The following PDE11A variants were observed in gnomAD, a reference collection of about 807,000 sequenced individuals.
The protein encoded by PDE11A is dual 3',5'-cyclic-AMP and -GMP phosphodiesterase 11A.
PDE11A carries 100 observed loss-of-function variants against 100.5 expected under a neutral mutation model. The observed-to-expected ratio is 1.00, with a 90% CI of 0.85 to 1.18. PDE11A has a LOEUF of 1.18. PDE11A is among the 50% of genes most tolerant of loss of function. The pLI, the probability that PDE11A is intolerant of heterozygous loss-of-function variation, is 0.00. For synonymous variants in PDE11A, 381 were observed against 420.8 expected (o/e 0.91, Z 1.16); for missense variants, 1,141 against 1,152.6 (o/e 0.99, Z 0.15).
intron 6 of PDE11A, among the ~76,000 whole-genome samples, chr2:177,830,839 A>C (rs1487219007): frequency 1.3e-5 from 2 of 151,914 alleles, no homozygotes; most frequent in African/African-American, 2.4e-5. Flanking sequence ...TTGTACTACT[A>C]TAAATAAATA....
intron 1 of PDE11A, among the ~76,000 whole-genome samples, chr2:178,064,627 T>A (rs2087019222): frequency 6.6e-6 from 1 of 151,712 alleles, no homozygotes; most frequent in South Asian, 2.1e-4. Context: ...ACAGTGAAGC[T>A]TCCCTCTACC....
At chr2:177,744,643 C>T (rs80099719) in intron 10 of PDE11A, among the ~76,000 whole-genome samples, 2,054 of 152,274 alleles carry the variant, frequency 0.013, 53 homozygotes, top group African/African-American at 0.047. Context: ...GGTATTATTT[C>T]CAGTATCCAC....
chr2:177,800,513 C>CTGTA (rs1431405357), intron 9 of PDE11A, among the ~76,000 whole-genome samples: 4 of 152,116 alleles, frequency 2.6e-5, no homozygotes, highest in African/African-American at 9.7e-5. Context: ...AATCACCTAA[C>CTGTA]TGTAGTTCAT....
At chr2:177,637,067 A>T (rs1408171973) in intron 19 of PDE11A, among the ~76,000 whole-genome samples, 1 of 152,244 alleles carries the variant, frequency 6.6e-6, no homozygotes, top group Non-Finnish European at 1.5e-5. Flanking sequence ...AAGGAGAAAT[A>T]AGAGGAGTTT....
intron 12 of PDE11A, among the ~76,000 whole-genome samples, chr2:177,723,447 T>A (rs13412319): frequency 0.11 from 16,866 of 152,132 alleles, 2,358 homozygotes; most frequent in African/African-American, 0.33. Context: ...CCACGCTGCC[T>A]GCACCACCAT....
rs146976594 is a variant in PDE11A at position 177,759,877 on chromosome 2, A to G, written c.1788+9446T>C. 6.2e-3 allele frequency among the ~76,000 whole-genome samples: 949 copies of G among 152,314 alleles called. 15 individuals carry two copies. The highest frequency in any genetic ancestry group is 0.047 in the South Asian group (227 of 4,818). On this transcript the variant is annotated intron_variant, in intron 10 of 19. Transcript: ENST00000286063. The stretch of plus-strand genomic sequence containing the variant: ...CCATAAACAGTCTTACTAAAAGTCA[A>G]TATGTTGAGTTCAGCCAACAATTCT...
chr2:178,073,992 AACAG>A (rs2087171702), upstream of PDE11A, among the ~76,000 whole-genome samples: 1 of 152,100 alleles, frequency 6.6e-6, no homozygotes, highest in Non-Finnish European at 1.5e-5. Context: ...TCAGCTGAGG[AACAG>A]ACAAATAAAA....
At chr2:178,092,720 C>A (rs2087439348) in intron 2 of PDE11A, 1 of 152,478 alleles carries the variant, frequency 6.6e-6, no homozygotes, top group East Asian at 1.9e-4. Context: ...CCTGCCTCAG[C>A]CTCCCAAGTA....
chr2:177,717,060 C>A (rs1214022413), intron 12 of PDE11A, among the ~76,000 whole-genome samples: 1 of 152,136 alleles, frequency 6.6e-6, no homozygotes, highest in African/African-American at 2.4e-5. Context: ...AGAACATTTT[C>A]TATAATTTTA....
At chr2:177,723,188 C>T (rs2081553905) in intron 12 of PDE11A, 1 of 152,170 alleles carries the variant, frequency 6.6e-6, no homozygotes, top group Non-Finnish European at 1.5e-5. Flanking sequence ...GAGGACAGAA[C>T]ATCAGCCTCA....
At chr2:177,728,201 C>T (rs767230314) in intron 10 of PDE11A, 29 bp from the exon 11 acceptor site, 4 of 1,609,396 alleles carry the variant, frequency 2.5e-6, no homozygotes, top group Non-Finnish European at 2.5e-6. Flanking sequence ...TAAGTCAAGC[C>T]AAGTTCACCA....
intron 1 of PDE11A, chr2:178,105,788 C>G: frequency 1.1e-6 from 1 of 921,392 alleles, no homozygotes; most frequent in Non-Finnish European, 1.4e-6. Context: ...CTCCACCCCT[C>G]CCTATCTCAC....
At chr2:178,105,138 G>T (rs2087602806) in intron 1 of PDE11A, among the ~76,000 whole-genome samples, 2 of 152,160 alleles carry the variant, frequency 1.3e-5, no homozygotes, top group South Asian at 4.1e-4. Flanking sequence ...TAATACTAAT[G>T]TAGTGGAAAA....
chr2:178,065,549 T>C (rs1212569358), intron 1 of PDE11A, among the ~76,000 whole-genome samples: 1 of 152,234 alleles, frequency 6.6e-6, no homozygotes, highest in Non-Finnish European at 1.5e-5. Context: ...CACGATCATG[T>C]GTCTGTCAGG....
chr2:177,983,362 A>T (rs1337873728), intron 2 of PDE11A, among the ~76,000 whole-genome samples: 2 of 152,206 alleles, frequency 1.3e-5, no homozygotes, highest in African/African-American at 2.4e-5. Context: ...TTAAGTGGGC[A>T]GCAGTGATGG....
At chr2:178,099,435 C>A (rs1465081290) in intron 2 of PDE11A, among the ~76,000 whole-genome samples, 2 of 138,534 alleles carry the variant, frequency 1.4e-5, no homozygotes, top group Non-Finnish European at 3.0e-5. Flanking sequence ...GAGTGAGACT[C>A]CATCTCAAGA....
chr2:177,773,843 CA>C (rs988462837), intron 9 of PDE11A, among the ~76,000 whole-genome samples: 4 of 152,184 alleles, frequency 2.6e-5, no homozygotes, highest in Non-Finnish European at 5.9e-5. Flanking sequence ...ATTGCTAAAC[CA>C]CAGTCCAGGA....
chr2:178,033,919 C>T (rs1559048907), intron 1 of PDE11A, among the ~76,000 whole-genome samples: 1 of 152,168 alleles, frequency 6.6e-6, no homozygotes, highest in African/African-American at 2.4e-5. Flanking sequence ...AAAGGAAAAG[C>T]TGTTACCAGC....
intron 2 of PDE11A, among the ~76,000 whole-genome samples, chr2:177,995,101 T>G (rs905425732): frequency 6.6e-6 from 1 of 152,114 alleles, no homozygotes; most frequent in Non-Finnish European, 1.5e-5. Flanking sequence ...AGTGGAAAAA[T>G]TATACTTAAT....
Sources: gnomAD v4.1 joint callset for allele counts (sites outside exome capture counted in the v4.1 genomes callset) on GRCh38, gnomAD v4.1.1 for gene constraint, MANE v1.5 for transcripts, NCBI Gene and HGNC (gene_info 2026-07-23, HGNC 2026-07-21) for gene names.